The following CCDC178 variants were observed in gnomAD, a reference collection of about 807,000 sequenced individuals.
CCDC178 encodes coiled-coil domain-containing protein 178.
In CCDC178, 126 loss-of-function variants were observed where a neutral mutation model predicts 117.4. The ratio of observed to expected loss-of-function variants is 1.07; its 90% CI spans 0.93 to 1.24. The LOEUF is 1.24. Among genes scored for constraint, CCDC178 ranks in the 50% most tolerant of loss-of-function variants. CCDC178 has a pLI of 0.00. For synonymous variants in CCDC178, 283 were observed against 313.4 expected (o/e 0.90, Z 1.02); for missense variants, 1,030 against 986.9 (o/e 1.04, Z -0.59).
At chr18:33,087,525 A>ATGTG (rs148317139) in intron 21 of CCDC178, among the ~76,000 whole-genome samples, 13,704 of 148,742 alleles carry the variant, frequency 0.092, 877 homozygotes, top group African/African-American at 0.18. Flanking sequence ...GTGTGTGTGT[A>ATGTG]TGTGTGTGTG....
At chr18:33,086,225 A>G (rs949919267) in intron 21 of CCDC178, among the ~76,000 whole-genome samples, 2 of 151,936 alleles carry the variant, frequency 1.3e-5, no homozygotes, top group African/African-American at 4.8e-5. Context: ...TGGATTCCCA[A>G]AGAACATATT....
At chr18:33,238,169 G>A (rs1337813381) in intron 15 of CCDC178, among the ~76,000 whole-genome samples, 6 of 152,042 alleles carry the variant, frequency 3.9e-5, no homozygotes, top group Admixed American at 3.3e-4. Flanking sequence ...CCTACATAAC[G>A]TACTCCATAA....
chr18:33,334,259 T>C (rs1011653871), intron 9 of CCDC178, among the ~76,000 whole-genome samples: 1 of 152,078 alleles, frequency 6.6e-6, no homozygotes, highest in African/African-American at 2.4e-5. Flanking sequence ...ATAAATCTAT[T>C]AATAAACCTA....
intron 21 of CCDC178, among the ~76,000 whole-genome samples, chr18:33,051,171 C>T (rs965198965): frequency 6.6e-6 from 1 of 152,098 alleles, no homozygotes; most frequent in Non-Finnish European, 1.5e-5. Flanking sequence ...CCTCGGCTCC[C>T]AAAGTTCTGG....
At chr18:33,059,779 T>C (rs891337441) in intron 21 of CCDC178, among the ~76,000 whole-genome samples, 4 of 152,188 alleles carry the variant, frequency 2.6e-5, no homozygotes, top group African/African-American at 9.6e-5. Context: ...TCCATCGATA[T>C]ATTTCTTCAA....
At chr18:33,234,400 CT>C (rs147961425) in intron 15 of CCDC178, among the ~76,000 whole-genome samples, 2,594 of 152,012 alleles carry the variant, frequency 0.017, 31 homozygotes, top group South Asian at 0.028. Context: ...GGAAAAGAAT[CT>C]TAGTAAACGA....
intron 20 of CCDC178, among the ~76,000 whole-genome samples, chr18:33,100,883 A>G (rs1162099521): frequency 1.3e-5 from 2 of 152,026 alleles, no homozygotes; most frequent in African/African-American, 4.8e-5. Flanking sequence ...ATAATTTGAT[A>G]TAACTGATTA....
At chr18:33,344,338 A>T (rs1373257681) in intron 9 of CCDC178, among the ~76,000 whole-genome samples, 1 of 151,000 alleles carries the variant, frequency 6.6e-6, no homozygotes, top group Non-Finnish European at 1.5e-5. Flanking sequence ...AAAAAAATAC[A>T]TAACAATAAT....
At chr18:33,357,969 G>A (rs984619104) in intron 6 of CCDC178, among the ~76,000 whole-genome samples, 2 of 151,754 alleles carry the variant, frequency 1.3e-5, no homozygotes, top group Admixed American at 1.3e-4. Context: ...CATCATAAGA[G>A]TATATTTATA....
chr18:33,048,908 C>T (rs1278247863), intron 21 of CCDC178, among the ~76,000 whole-genome samples: 2 of 152,128 alleles, frequency 1.3e-5, no homozygotes, highest in Non-Finnish European at 2.9e-5. Flanking sequence ...TCCAAAACCT[C>T]ACTTACAAAA....
intron 22 of CCDC178, among the ~76,000 whole-genome samples, chr18:32,950,713 C>G (rs2054463148): frequency 6.6e-6 from 1 of 152,118 alleles, no homozygotes; most frequent in South Asian, 2.1e-4. Flanking sequence ...CCCAGTTTAA[C>G]AGGTAAGATT....
chr18:32,994,291 A>C (rs996556935), intron 21 of CCDC178, among the ~76,000 whole-genome samples: 2 of 152,350 alleles, frequency 1.3e-5, no homozygotes, highest in African/African-American at 4.8e-5. Flanking sequence ...CAGAAACATA[A>C]GTGCATATTT....
intron 21 of CCDC178, among the ~76,000 whole-genome samples, chr18:33,046,829 A>C (rs2144912505): frequency 6.6e-6 from 1 of 152,288 alleles, no homozygotes; most frequent in Admixed American, 6.5e-5. Context: ...GAGGGACCTG[A>C]CTATTGAAAG....
At chr18:33,408,246 TA>T (rs965537091) in intron 3 of CCDC178, among the ~76,000 whole-genome samples, 62 of 151,420 alleles carry the variant, frequency 4.1e-4, no homozygotes, top group African/African-American at 1.3e-3. Flanking sequence ...TTACAAACCA[TA>T]AAAAAAATTA....
chr18:32,968,242 G>A (rs1411884608), intron 22 of CCDC178, among the ~76,000 whole-genome samples: 1 of 151,946 alleles, frequency 6.6e-6, no homozygotes, highest in African/African-American at 2.4e-5. Flanking sequence ...GAGATTATGT[G>A]GTTATTTCAC....
intron 20 of CCDC178, among the ~76,000 whole-genome samples, chr18:33,109,998 G>A (rs1016442071): frequency 1.2e-4 from 18 of 151,050 alleles, no homozygotes; most frequent in African/African-American, 4.4e-4. Context: ...AGTTGATAGC[G>A]CCAACATTTA....
At chr18:33,416,426 CG>C (rs1304456902) in intron 2 of CCDC178, among the ~76,000 whole-genome samples, 3 of 77,924 alleles carry the variant, frequency 3.8e-5, no homozygotes, top group Non-Finnish European at 5.5e-5. Context: ...GACTCTGTCT[CG>C]AAAAAAAAAA....
At chr18:33,216,162 T>G (rs2059163186) in intron 18 of CCDC178, among the ~76,000 whole-genome samples, 1 of 152,026 alleles carries the variant, frequency 6.6e-6, no homozygotes, top group Non-Finnish European at 1.5e-5. Context: ...ATAAAATTGT[T>G]TATTCTCTCT....
intron 4 of CCDC178, among the ~76,000 whole-genome samples, chr18:33,394,252 G>C (rs2144837220): frequency 6.6e-6 from 1 of 151,868 alleles, no homozygotes; most frequent in African/African-American, 2.4e-5. Flanking sequence ...AATATTTATT[G>C]AACATATACA....
Sources: allele counts gnomAD v4.1 joint callset (sites outside exome capture counted in the v4.1 genomes callset), GRCh38; gene constraint gnomAD v4.1.1; transcripts MANE v1.5; gene names NCBI Gene and HGNC (gene_info 2026-07-23, HGNC 2026-07-21).